Variants in CCDC91 observed in about 807,000 individuals in gnomAD.
CCDC91 encodes the protein coiled-coil domain-containing protein 91.
CCDC91 carries 48 observed loss-of-function variants against 63.2 expected under a neutral mutation model. That is an observed-to-expected ratio of 0.76 (90% confidence interval 0.60 to 0.97). CCDC91 has a LOEUF of 0.97. Among genes scored for constraint, CCDC91 ranks in the 50% least tolerant of loss-of-function variants. The pLI is 0.00. For missense variants in CCDC91, 500 were observed against 494.6 expected, an observed-to-expected ratio of 1.01 and a Z score of -0.10; for synonymous variants, 167 against 165.8, an observed-to-expected ratio of 1.01 and a Z score of -0.06.
intron 1 of CCDC91, among the ~76,000 whole-genome samples, chr12:28,212,962 T>C (rs1391357163): frequency 1.3e-5 from 2 of 152,318 alleles, no homozygotes; most frequent in East Asian, 3.9e-4. Flanking sequence ...TTAAGAGTTT[T>C]AATAAACAAA....
In CCDC91 at chr12:28,220,508, C is replaced by T. The variant is rs1943865685; in HGVS notation, c.-15+29867C>T. On this transcript the variant is annotated intron_variant, in intron 1 of 12. Transcript: ENST00000536442. The stretch of plus-strand genomic sequence containing the variant: ...AGTTATCTTTAAATTTTTAGATTTA[C>T]CCACCTGTTTGCTATTTCTGGGACT... Among the ~76,000 whole-genome samples, 4 of 151,774 alleles carry T rather than the reference C, an allele frequency of 2.6e-5. No homozygotes were observed. The South Asian group carries it at 8.3e-4, about 31-fold the overall frequency.
Position 28,306,787 on chromosome 12 carries a change from T to C in CCDC91, c.313T>C (p.Leu105=), listed in dbSNP as rs867591889. ...HTHLDISLFP[L]GLTDEKSNGT... is the part of the protein sequence containing the mutation. ...TCATCTGGATATCTCACTTTTTCCA[T>C]TGGGTTTAACTGATGAAAAAAGTAA... is the stretch of plus-strand genomic sequence containing the variant. Residue 105 remains leucine, a synonymous_variant, in exon 5 of 13, where the codon TTG becomes CTG. Transcript: ENST00000536442. The C allele has an allele frequency of 1.9e-5, 31 of 1,611,974 alleles. 1 individual carries two copies. In the Middle Eastern group the frequency reaches 3.5e-3, roughly 181 times the overall value.
intron 1 of CCDC91, among the ~76,000 whole-genome samples, chr12:28,241,989 C>T (rs1266208085): frequency 2.0e-4 from 27 of 136,730 alleles, no homozygotes; most frequent in Non-Finnish European, 3.9e-4. Flanking sequence ...GACCGAGACT[C>T]CTTCTCAAAA....
intron 1 of CCDC91, among the ~76,000 whole-genome samples, chr12:28,201,896 C>T (rs1001957366): frequency 1.2e-4 from 17 of 146,526 alleles, no homozygotes; most frequent in African/African-American, 4.2e-4. Flanking sequence ...GGCGTGGCGT[C>T]GCGTGCCTGC....
chr12:28,360,589 A>G (rs1246808598), intron 6 of CCDC91, among the ~76,000 whole-genome samples: 1 of 152,172 alleles, frequency 6.6e-6, no homozygotes, highest in African/African-American at 2.4e-5. Context: ...AGTATAATAA[A>G]TCCCACTTGA....
At chr12:28,326,081 C>T (rs1166910081) in intron 6 of CCDC91, among the ~76,000 whole-genome samples, 1 of 151,898 alleles carries the variant, frequency 6.6e-6, no homozygotes, top group African/African-American at 2.4e-5. Flanking sequence ...GCTTTGCTTC[C>T]AAAAAAAGTT....
At chr12:28,291,036 A>C (rs1438273046) in intron 3 of CCDC91, among the ~76,000 whole-genome samples, 1 of 152,098 alleles carries the variant, frequency 6.6e-6, no homozygotes, top group Non-Finnish European at 1.5e-5. Context: ...TGCAAAAGTA[A>C]TTTCTGTTTT....
At chr12:28,384,542 T>C (rs1307371966) in intron 7 of CCDC91, among the ~76,000 whole-genome samples, 1 of 152,132 alleles carries the variant, frequency 6.6e-6, no homozygotes, top group East Asian at 1.9e-4. Context: ...TTGAGTGTCT[T>C]TGGTATTTTT....
At chr12:28,290,439 G>A (rs1317990167) in intron 3 of CCDC91, among the ~76,000 whole-genome samples, 2 of 152,052 alleles carry the variant, frequency 1.3e-5, no homozygotes, top group African/African-American at 4.8e-5. Flanking sequence ...CATACCATTA[G>A]GTCTTTGTTC....
At chr12:28,379,545 A>G (rs1355298804) in intron 7 of CCDC91, among the ~76,000 whole-genome samples, 5 of 152,174 alleles carry the variant, frequency 3.3e-5, no homozygotes, top group Non-Finnish European at 5.9e-5. Flanking sequence ...CAGCCAACAG[A>G]CACATGAAAA....
chr12:28,537,603 G>A (rs549763319), intron 12 of CCDC91, among the ~76,000 whole-genome samples: 61 of 152,250 alleles, frequency 4.0e-4, no homozygotes, highest in African/African-American at 1.4e-3. Flanking sequence ...AGCAAGGTCA[G>A]AAGTAAACAG....
intron 12 of CCDC91, among the ~76,000 whole-genome samples, chr12:28,518,758 T>C (rs1165530142): frequency 6.6e-6 from 1 of 152,066 alleles, no homozygotes; most frequent in Non-Finnish European, 1.5e-5. Context: ...TTTTCCAATG[T>C]TATCTTCTAG....
intron 12 of CCDC91, among the ~76,000 whole-genome samples, chr12:28,486,369 C>G (rs1242610017): frequency 2.0e-5 from 3 of 152,188 alleles, no homozygotes; most frequent in African/African-American, 7.2e-5. Context: ...CATTTTTTAT[C>G]CATTCCTCTG....
chr12:28,374,678 A>C (rs1456574966), intron 7 of CCDC91, among the ~76,000 whole-genome samples: 1 of 152,150 alleles, frequency 6.6e-6, no homozygotes, highest in Non-Finnish European at 1.5e-5. Flanking sequence ...ACAGTAAGTT[A>C]TGATAGGACT....
At chr12:28,297,161 C>G (rs918802337) in intron 3 of CCDC91, among the ~76,000 whole-genome samples, 1 of 151,840 alleles carries the variant, frequency 6.6e-6, no homozygotes, top group African/African-American at 2.4e-5. Flanking sequence ...TAATCATTAA[C>G]AGAGATAAAC....
chr12:28,192,284 C>G (rs556187048), intron 1 of CCDC91, among the ~76,000 whole-genome samples: 1 of 152,256 alleles, frequency 6.6e-6, no homozygotes, highest in Admixed American at 6.5e-5. Context: ...GTACTCTTAT[C>G]TATATGTGTC....
chr12:28,262,769 CT>C (rs1946908827), intron 3 of CCDC91, among the ~76,000 whole-genome samples: 1 of 151,920 alleles, frequency 6.6e-6, no homozygotes, highest in Non-Finnish European at 1.5e-5. Flanking sequence ...TCTTTACACC[CT>C]TATTGTCATA....
At chr12:28,266,885 C>CA (rs1037794614) in intron 3 of CCDC91, among the ~76,000 whole-genome samples, 28 of 150,884 alleles carry the variant, frequency 1.9e-4, no homozygotes, top group African/African-American at 4.9e-4. Flanking sequence ...CCCGCCCCAC[C>CA]AAAAAAAACC....
At chr12:28,352,164 A>G (rs1943225028) in intron 6 of CCDC91, among the ~76,000 whole-genome samples, 1 of 152,240 alleles carries the variant, frequency 6.6e-6, no homozygotes, top group East Asian at 1.9e-4. Flanking sequence ...AAAACATGCT[A>G]AAAATCACCT....
Sources: allele counts gnomAD v4.1 joint callset (sites outside exome capture counted in the v4.1 genomes callset), GRCh38; gene constraint gnomAD v4.1.1; transcripts MANE v1.5; gene names NCBI Gene and HGNC (gene_info 2026-07-23, HGNC 2026-07-21).